SNX10: variants seen among roughly 807,000 people sequenced by gnomAD.
SNX10 encodes sorting nexin-10.
In SNX10, 25 loss-of-function variants were observed where a neutral mutation model predicts 28.5. The ratio of observed to expected loss-of-function variants is 0.88; its 90% CI spans 0.64 to 1.22. The LOEUF (loss-of-function observed/expected upper bound fraction) is 1.22. Ranked by LOEUF, SNX10 falls within the 50% of genes most tolerant of loss-of-function variation. The pLI is 0.00. For missense variants in SNX10, 223 were observed against 242.6 expected, an observed-to-expected ratio of 0.92 and a Z score of 0.54; for synonymous variants, 62 against 81.4, an observed-to-expected ratio of 0.76 and a Z score of 1.28.
At chr7:26,344,933 C>T (rs769496945) in intron 1 of SNX10, among the ~76,000 whole-genome samples, 6 of 152,218 alleles carry the variant, frequency 3.9e-5, no homozygotes, top group Admixed American at 1.3e-4. Flanking sequence ...CCCTGCTCCC[C>T]TGCAGAGGCC....
chr7:26,338,435 T>C (rs1388412196), intron 1 of SNX10, among the ~76,000 whole-genome samples: 2 of 152,066 alleles, frequency 1.3e-5, no homozygotes, highest in African/African-American at 4.8e-5. Flanking sequence ...GCGTTGTTGC[T>C]GTTGTTTTGA....
intron 1 of SNX10, among the ~76,000 whole-genome samples, chr7:26,338,457 G>A (rs1054628603): frequency 1.5e-4 from 23 of 151,210 alleles, no homozygotes; most frequent in African/African-American, 4.1e-4. Context: ...ACTGCATCTC[G>A]CTCTGTTGCC....
chr7:26,344,175 ATTTTTTTTTT>A (rs35200460), intron 1 of SNX10, among the ~76,000 whole-genome samples: 3 of 114,088 alleles, frequency 2.6e-5, no homozygotes, highest in African/African-American at 1.1e-4. Context: ...CTGTCTCTGA[ATTTTTTTTTT>A]TTTTTTTTTT....
At chr7:26,358,441 G>A (rs1788912771) in intron 2 of SNX10, among the ~76,000 whole-genome samples, 1 of 152,144 alleles carries the variant, frequency 6.6e-6, no homozygotes, top group Non-Finnish European at 1.5e-5. Flanking sequence ...TAAAGAAATA[G>A]AGAAGAAGAA....
At chr7:26,332,521 G>A (rs2128005290) in intron 1 of SNX10, among the ~76,000 whole-genome samples, 1 of 152,230 alleles carries the variant, frequency 6.6e-6, no homozygotes, top group East Asian at 1.9e-4. Context: ...TTCTCATTCT[G>A]TGGGTTGTCT....
intron 1 of SNX10, among the ~76,000 whole-genome samples, chr7:26,297,330 G>A (rs1450612965): frequency 2.6e-5 from 4 of 152,102 alleles, no homozygotes; most frequent in African/African-American, 9.7e-5. Context: ...TCCTGACCTC[G>A]TGACCCGCCC....
Position 26,353,462 on chromosome 7 carries a change from GT to G in SNX10, c.24+6997del, listed in dbSNP as rs534757343. ...CTTTTTTTTTTTTTTTTTTTTTTTGGTGGGGAGACAGAGTCTTGGTCTGTCG... is the reference window on the plus strand; with the variant it reads ...CTTTTTTTTTTTTTTTTTTTTTTTGGGGGGAGACAGAGTCTTGGTCTGTCG... On this transcript the variant is annotated intron_variant, in intron 2 of 6. Coordinates refer to ENST00000338523, the MANE Select transcript of SNX10 (RefSeq NM_013322.3). 4.8e-3 allele frequency among the ~76,000 whole-genome samples: 460 copies of G among 96,520 alleles called. 15 individuals are homozygous for G. Among genetic ancestry groups the G allele is most frequent in the South Asian group, 0.03 (67 of 2,270 alleles). The allele number at this position is 96,520 out of a possible 152,430, so 63.3% of individuals were successfully genotyped here.
chr7:26,335,190 T>G (rs1455690195), intron 1 of SNX10, among the ~76,000 whole-genome samples: 1 of 152,216 alleles, frequency 6.6e-6, no homozygotes, highest in Admixed American at 6.5e-5. Flanking sequence ...GTGATTCAGC[T>G]TGTCTGGTGG....
chr7:26,337,419 T>A (rs1348384938), intron 1 of SNX10, among the ~76,000 whole-genome samples: 1 of 152,240 alleles, frequency 6.6e-6, no homozygotes, highest in Non-Finnish European at 1.5e-5. Context: ...GAAGTGAAAC[T>A]CTGTATCAGT....
At chr7:26,318,162 G>C (rs1787165165) in intron 1 of SNX10, among the ~76,000 whole-genome samples, 1 of 152,178 alleles carries the variant, frequency 6.6e-6, no homozygotes, top group Admixed American at 6.5e-5. Context: ...ATCTTGAATA[G>C]CCAGGCTAAC....
intron 1 of SNX10, among the ~76,000 whole-genome samples, chr7:26,337,792 T>C (rs545816168): frequency 2.0e-5 from 3 of 152,330 alleles, no homozygotes; most frequent in South Asian, 2.1e-4. Context: ...AAATAGCTCT[T>C]TGAGAGCCTG....
rs557104570 is a variant in SNX10, at chr7:26,343,019, A to G, written c.-23-3401A>G. 1.9e-3 allele frequency among the ~76,000 whole-genome samples: 291 copies of G among 152,260 alleles called. 1 individual carries two copies. Among genetic ancestry groups the G allele is most frequent in the Middle Eastern group, 3.4e-3 (1 of 294 alleles). Reference sequence around the variant, plus strand: ...GAGATGGGGTTTCGCCATGTTATCCAGGCTGGTCTTGAACTCCTAAGTGAT... The same window carrying G: ...GAGATGGGGTTTCGCCATGTTATCCGGGCTGGTCTTGAACTCCTAAGTGAT... On this transcript the variant is annotated intron_variant, in intron 1 of 6. Transcript: ENST00000338523.
At chr7:26,298,677 G>A (rs1162280867) in intron 1 of SNX10, among the ~76,000 whole-genome samples, 3 of 152,144 alleles carry the variant, frequency 2.0e-5, no homozygotes, top group Non-Finnish European at 2.9e-5. Context: ...CATTATGTTA[G>A]TCAGTTTGGG....
chr7:26,362,331 G>C (rs1016223670), intron 3 of SNX10, among the ~76,000 whole-genome samples: 6 of 152,150 alleles, frequency 3.9e-5, no homozygotes, highest in Admixed American at 3.9e-4. Context: ...TAAAAAAATT[G>C]TGCGTCCTTA....
intron 1 of SNX10, among the ~76,000 whole-genome samples, chr7:26,336,457 A>G (rs1787951931): frequency 6.6e-6 from 1 of 152,136 alleles, no homozygotes; most frequent in African/African-American, 2.4e-5. Context: ...TAATCCCTAC[A>G]CTTTGAGAGG....
intron 1 of SNX10, among the ~76,000 whole-genome samples, chr7:26,318,792 A>G (rs1213757932): frequency 6.6e-6 from 1 of 152,186 alleles, no homozygotes; most frequent in African/African-American, 2.4e-5. Context: ...TTTCTTGTAT[A>G]CTTAATTTTT....
At chr7:26,330,994 C>T (rs1787727915) in intron 1 of SNX10, among the ~76,000 whole-genome samples, 2 of 151,866 alleles carry the variant, frequency 1.3e-5, no homozygotes, top group South Asian at 4.1e-4. Flanking sequence ...TACAAAAAAA[C>T]TTAAGAATTA....
chr7:26,353,464 G>GGC (rs1562813937), intron 2 of SNX10, among the ~76,000 whole-genome samples: 2 of 101,614 alleles, frequency 2.0e-5, no homozygotes, highest in Admixed American at 9.5e-5. Flanking sequence ...TTTTTTTGGT[G>GGC]GGGAGACAGA....
intron 1 of SNX10, among the ~76,000 whole-genome samples, chr7:26,334,898 G>A (rs1787862253): frequency 6.6e-6 from 1 of 152,154 alleles, no homozygotes; most frequent in South Asian, 2.1e-4. Flanking sequence ...TTTGGGCCTG[G>A]TTTGCAGATG....
Sources: allele counts gnomAD v4.1 joint callset (sites outside exome capture counted in the v4.1 genomes callset), GRCh38; gene constraint gnomAD v4.1.1; transcripts MANE v1.5; gene names NCBI Gene and HGNC (gene_info 2026-07-23, HGNC 2026-07-21).